CACNG7: variants seen among roughly 807,000 people sequenced by gnomAD.
The protein encoded by CACNG7 is voltage-dependent calcium channel gamma-7 subunit.
CACNG7 carries 9 observed loss-of-function variants against 26.3 expected under a neutral mutation model. The observed-to-expected ratio is 0.34, with a 90% CI of 0.21 to 0.60. The LOEUF (loss-of-function observed/expected upper bound fraction) is 0.60, where lower values mean the gene tolerates loss of function less well. Among genes scored for constraint, CACNG7 ranks in the 20% least tolerant of loss-of-function variants. CACNG7 has a pLI of 0.81. For missense variants in CACNG7, 297 were observed against 380.4 expected (o/e 0.78, Z 1.82); for synonymous variants, 170 against 157.0 (o/e 1.08, Z -0.62).
intron 4 of CACNG7, among the ~76,000 whole-genome samples, chr19:53,922,427 G>A (rs1408320886): frequency 8.8e-6 from 1 of 113,318 alleles, no homozygotes; most frequent in African/African-American, 3.9e-5. Context: ...GTTGTCCCAG[G>A]TCTGGTCATT....
intron 4 of CACNG7, among the ~76,000 whole-genome samples, chr19:53,919,311 G>A (rs1050646545): frequency 4.6e-5 from 7 of 152,228 alleles, no homozygotes; most frequent in African/African-American, 1.7e-4. Context: ...AGAAAGACAG[G>A]GATTGCCCCA....
At chr19:53,918,165 T>A (rs556018563) in intron 4 of CACNG7, among the ~76,000 whole-genome samples, 2 of 152,364 alleles carry the variant, frequency 1.3e-5, no homozygotes, top group East Asian at 3.9e-4. Flanking sequence ...GGTTCAAATC[T>A]TGCCTCTACC....
chr19:53,929,718 C>T (rs1477349327), intron 4 of CACNG7, among the ~76,000 whole-genome samples: 1 of 152,088 alleles, frequency 6.6e-6, no homozygotes, highest in Non-Finnish European at 1.5e-5. Context: ...GCTGGGATTC[C>T]AGGCCTGAAC....
chr19:53,939,724 G>A lies in CACNG7; in HGVS notation c.425-1746G>A, dbSNP rs548521581. Among the ~76,000 whole-genome samples the A allele has an allele frequency of 1.3e-5, 2 of 152,222 alleles. No individual in the cohort carries two copies. Among genetic ancestry groups the A allele is most frequent in the South Asian group, 2.1e-4 (1 of 4,822 alleles). Reference sequence around the variant, plus strand: ...CCGCTTTTTGGCTATTACGCATAACGCTGTTACAAACATCCGTGTATGCGT... The same window carrying A: ...CCGCTTTTTGGCTATTACGCATAACACTGTTACAAACATCCGTGTATGCGT... On this transcript the variant is annotated intron_variant, in intron 4 of 5. Coordinates refer to ENST00000391767, the MANE Select transcript of CACNG7 (RefSeq NM_031896.5). This position sits in a 1 kb window ranked among gnomAD's most constrained non-coding sequence, Gnocchi z 4.2.
At chr19:53,919,753 T>TC (rs201288881) in intron 4 of CACNG7, among the ~76,000 whole-genome samples, 13 of 114,394 alleles carry the variant, frequency 1.1e-4, no homozygotes, top group Admixed American at 1.8e-4. Flanking sequence ...CCAGGTCTGG[T>TC]ATTGGTGGAG....
At chr19:53,918,223 C>A (rs943696575) in intron 4 of CACNG7, among the ~76,000 whole-genome samples, 1 of 152,158 alleles carries the variant, frequency 6.6e-6, no homozygotes, top group African/African-American at 2.4e-5. Context: ...ATTGAGGGGA[C>A]AAATCTTGAT....
chr19:53,916,022 C>T (rs1480444707), intron 4 of CACNG7, among the ~76,000 whole-genome samples: 2 of 152,178 alleles, frequency 1.3e-5, no homozygotes, highest in African/African-American at 4.8e-5. Flanking sequence ...GTATAGGGAA[C>T]ACCCATGTAG....
intron 4 of CACNG7, among the ~76,000 whole-genome samples, chr19:53,921,361 G>A (rs1453468674): frequency 1.5e-5 from 2 of 137,074 alleles, no homozygotes. Context: ...CATTGGTGGA[G>A]TCGTCCCCAG....
At chr19:53,914,203 G>A (rs2068878758) in intron 2 of CACNG7, among the ~76,000 whole-genome samples, 1 of 151,680 alleles carries the variant, frequency 6.6e-6, no homozygotes, top group Non-Finnish European at 1.5e-5. Context: ...GAACCTGGGA[G>A]GTAGAGGTTG....
At chr19:53,920,043 T>C (rs1599972743) in intron 4 of CACNG7, among the ~76,000 whole-genome samples, 1 of 113,204 alleles carries the variant, frequency 8.8e-6, no homozygotes, top group Admixed American at 8.8e-5. Context: ...CCCAGGCTGG[T>C]CATTGGTGGA....
rs1568777055 is a variant in CACNG7, at chr19:53,924,131, T to TCA, written c.424+8626_424+8627insCA. On this transcript the variant is annotated intron_variant, in intron 4 of 5. Coordinates refer to ENST00000391767, the MANE Select transcript of CACNG7 (RefSeq NM_031896.5). ...ATTGGTGGACTTGCCCCAGGTCTGG[T>TCA]TATTGGTGGACTTGCCCCAGGTCTG... 5.2e-4 allele frequency among the ~76,000 whole-genome samples: 72 copies of TCA among 138,810 alleles called. 9 individuals are homozygous for TCA. Among genetic ancestry groups the TCA allele is most frequent in the African/African-American group, 1.8e-3 (62 of 34,166 alleles). 91.1% of individuals were successfully genotyped at this position (138,810 alleles called of 152,430 possible).
chr19:53,912,824 C>T lies in CACNG7; in HGVS notation c.-8C>T, dbSNP rs762162370. ...ACAGGCCCCGCAGGGCGCCCCCTGC[C>T]TCTGAGGATGAGTCACTGCAGCAGC... is the stretch of plus-strand genomic sequence containing the variant. On this transcript the variant is annotated 5_prime_UTR_variant, in exon 2 of 6. Transcript: ENST00000391767. This position sits in a 1 kb window ranked among gnomAD's most constrained non-coding sequence, Gnocchi z 4.6. The T allele has an allele frequency of 6.2e-7, 1 of 1,611,238 alleles. No homozygotes were observed. The highest frequency in any genetic ancestry group is 1.7e-5 in the Admixed American group (1 of 60,020).
At chr19:53,936,798 C>A (rs774312799) in intron 4 of CACNG7, among the ~76,000 whole-genome samples, 4 of 152,002 alleles carry the variant, frequency 2.6e-5, no homozygotes, top group Admixed American at 6.6e-5. Flanking sequence ...TAGTAGAGAT[C>A]AGGTTTCACC....
chr19:53,921,090 T>G (rs2068945006), intron 4 of CACNG7, among the ~76,000 whole-genome samples: 1 of 75,606 alleles, frequency 1.3e-5, no homozygotes, highest in Admixed American at 1.2e-4. Context: ...TGGTCATTGG[T>G]GGAGTTGTCC....
intron 4 of CACNG7, among the ~76,000 whole-genome samples, chr19:53,916,489 T>TTCTTTC (rs200241429): frequency 7.6e-6 from 1 of 131,266 alleles, no homozygotes; most frequent in East Asian, 2.1e-4. Flanking sequence ...CTTTCTTTCT[T>TTCTTTC]TTTTTTTTTT....
At chr19:53,922,529 C>G (rs1212782714) in intron 4 of CACNG7, among the ~76,000 whole-genome samples, 18 of 86,238 alleles carry the variant, frequency 2.1e-4, no homozygotes, top group African/African-American at 1.2e-3. Context: ...GTGGAGTTGT[C>G]CCAGGCTGGT....
chr19:53,936,185 C>T (rs886895087), intron 4 of CACNG7, among the ~76,000 whole-genome samples: 1 of 151,964 alleles, frequency 6.6e-6, no homozygotes, highest in Non-Finnish European at 1.5e-5. Flanking sequence ...CCACTGTCCT[C>T]ATGAGTGGAT....
chr19:53,924,311 C>G (rs1225830613), intron 4 of CACNG7, among the ~76,000 whole-genome samples: 1 of 147,358 alleles, frequency 6.8e-6, no homozygotes, highest in East Asian at 2.1e-4. Context: ...TGGAGTTGCC[C>G]CAGGCCTGGT....
At chr19:53,918,105 T>G (rs375353267) in intron 4 of CACNG7, among the ~76,000 whole-genome samples, 8 of 152,216 alleles carry the variant, frequency 5.3e-5, no homozygotes, top group African/African-American at 1.9e-4. Flanking sequence ...CTGCCAAGCT[T>G]GGGGTGTATA....
Sources: gnomAD v4.1 joint callset for allele counts (sites outside exome capture counted in the v4.1 genomes callset) on GRCh38, gnomAD v4.1.1 for gene constraint, Gnocchi (gnomAD v3.1) non-coding constraint, MANE v1.5 for transcripts, NCBI Gene and HGNC (gene_info 2026-07-23, HGNC 2026-07-21) for gene names.